The following LINGO3 variants were observed in gnomAD, a reference collection of about 807,000 sequenced individuals.
LINGO3 encodes leucine-rich repeat and immunoglobulin-like domain-containing nogo receptor-interacting protein 3.
For synonymous variants in LINGO3, 427 were observed against 444.2 expected, an observed-to-expected ratio of 0.96 and a Z score of 0.49; for missense variants, 750 against 867.7, an observed-to-expected ratio of 0.86 and a Z score of 1.70.
At chr19:2,295,454 G>T (rs1366650023), upstream of LINGO3, among the ~76,000 whole-genome samples, 1 of 152,218 alleles carries the variant, frequency 6.6e-6, no homozygotes, top group Admixed American at 6.5e-5. Context: ...AGCTCCTCTT[G>T]CCCGGCGCGG....
upstream of LINGO3, among the ~76,000 whole-genome samples, chr19:2,293,066 T>TTTCTTTCC (rs921807039): frequency 6.6e-6 from 1 of 151,558 alleles, no homozygotes; most frequent in African/African-American, 2.4e-5. Context: ...ACCCCGTTTC[T>TTTCTTTCC]TTCTTTCTTT....
At chr19:2,294,634 G>T (rs1009086974), upstream of LINGO3, among the ~76,000 whole-genome samples, 1 of 151,902 alleles carries the variant, frequency 6.6e-6, no homozygotes, top group Non-Finnish European at 1.5e-5. The surrounding 1 kb of genome is among the most constrained non-coding windows in gnomAD (Gnocchi z 4.3). Context: ...GTTAGGAGGG[G>T]CCTCTGGGTG....
the LINGO3 span, among the ~76,000 whole-genome samples, chr19:2,301,742 A>G: frequency 2.6e-5 from 4 of 152,000 alleles, no homozygotes; most frequent in Admixed American, 6.6e-5. Flanking sequence ...CCTGGTTAAC[A>G]TGGTGAAACC....
At chr19:2,305,333 C>A in the LINGO3 span, among the ~76,000 whole-genome samples, 2 of 152,030 alleles carry the variant, frequency 1.3e-5, no homozygotes, top group Non-Finnish European at 2.9e-5. Context: ...CTTCCCTGTA[C>A]CCCCAGCTGT....
Position 2,290,621 on chromosome 19 carries a change from G to T in LINGO3, c.1156C>A (p.Arg386Ser). 2 of 1,593,966 alleles carry T rather than the reference G, an allele frequency of 1.3e-6. No homozygotes were observed. Among genetic ancestry groups the T allele is most frequent in the Non-Finnish European group, 1.7e-6 (2 of 1,174,108 alleles). Residue 386 changes from arginine (R) to serine (S), a missense_variant, in exon 1 of 1, where the codon CGC becomes AGC. Arg to Ser is a moderately radical substitution (Grantham distance 110, BLOSUM62 -1). Transcript: ENST00000585527. The surrounding 1 kb of genome is among the most constrained non-coding windows in gnomAD (Gnocchi z 6.0). ...GGCAGGTTTCGCAGCGCGTCGCCGC[G>T]CACCTCGGCCGGGGTGGCGCAGGCC...
the LINGO3 span, among the ~76,000 whole-genome samples, chr19:2,301,838 GA>G: frequency 1.5e-4 from 22 of 147,946 alleles, no homozygotes; most frequent in African/African-American, 5.5e-4. Context: ...TGAGGCAGGA[GA>G]ATGGCGTGAA....
chr19:2,298,137 C>T, the LINGO3 span, among the ~76,000 whole-genome samples: 1 of 152,200 alleles, frequency 6.6e-6, no homozygotes, highest in African/African-American at 2.4e-5. Flanking sequence ...GATCTGCCTG[C>T]CTCAGCCTCC....
At chr19:2,308,097 A>ACGGCGCGGGCTG in the LINGO3 span, among the ~76,000 whole-genome samples, 42 of 146,500 alleles carry the variant, frequency 2.9e-4, no homozygotes, top group African/African-American at 1.0e-3. Context: ...CGCCGCGGAC[A>ACGGCGCGGGCTG]CGGCGCGGGC....
At chr19:2,297,336 G>A in the LINGO3 span, among the ~76,000 whole-genome samples, 4 of 111,750 alleles carry the variant, frequency 3.6e-5, no homozygotes, top group Non-Finnish European at 6.6e-5. Context: ...ACAGAGTCTC[G>A]CTCTGTCGCC....
chr19:2,295,611 C>T (rs1020190610), upstream of LINGO3, among the ~76,000 whole-genome samples: 2 of 152,136 alleles, frequency 1.3e-5, no homozygotes, highest in Non-Finnish European at 2.9e-5. Context: ...TGATGGGCGC[C>T]TGTAATCCCA....
At chr19:2,292,022 T>G in exon 1 of LINGO3, 1 of 490,642 alleles carries the variant, frequency 2.0e-6, no homozygotes, top group Non-Finnish European at 3.9e-6. Context: ...CTCCCATCTC[T>G]ACAAAAAAAT....
the LINGO3 span, among the ~76,000 whole-genome samples, chr19:2,305,620 A>T: frequency 6.6e-6 from 1 of 152,134 alleles, no homozygotes; most frequent in Non-Finnish European, 1.5e-5. Context: ...AGGGATGCTG[A>T]CATCTCCCTT....
the LINGO3 span, among the ~76,000 whole-genome samples, chr19:2,300,357 G>C: frequency 1.5e-3 from 221 of 152,016 alleles, 1 homozygote; most frequent in Middle Eastern, 0.01. Flanking sequence ...AGGGGCCTCT[G>C]TCCCCTCCCT....
chr19:2,298,982 C>T, the LINGO3 span, among the ~76,000 whole-genome samples: 5 of 152,158 alleles, frequency 3.3e-5, no homozygotes, highest in African/African-American at 1.2e-4. Context: ...GGCCTCAATT[C>T]GGATGCGCTG....
the LINGO3 span, among the ~76,000 whole-genome samples, chr19:2,302,486 C>T: frequency 3.3e-5 from 5 of 152,252 alleles, no homozygotes; most frequent in Non-Finnish European, 7.3e-5. Context: ...GTCACCTCCT[C>T]GGCTCTGCGC....
chr19:2,302,621 CGCTCTGGTG>C, the LINGO3 span, among the ~76,000 whole-genome samples: 1 of 152,314 alleles, frequency 6.6e-6, no homozygotes, highest in East Asian at 1.9e-4. Flanking sequence ...CAGGGCCCCT[CGCTCTGGTG>C]GCGGGCTCGG....
chr19:2,291,296 C>T (rs772516775), exon 1 of LINGO3: 4 of 1,612,572 alleles, frequency 2.5e-6, no homozygotes, highest in Non-Finnish European at 3.4e-6. Context: ...AATACCAGGT[C>T]GTTGTCGCCC....
At chr19:2,291,072 C>T in exon 1 of LINGO3, 8 of 1,610,078 alleles carry the variant, frequency 5.0e-6, no homozygotes, top group Non-Finnish European at 6.8e-6. Flanking sequence ...CCACCTCCTC[C>T]AGCAGCGGCC....
At chr19:2,297,350 G>A in the LINGO3 span, among the ~76,000 whole-genome samples, 2 of 135,754 alleles carry the variant, frequency 1.5e-5, no homozygotes, top group Non-Finnish European at 3.1e-5. Context: ...TGTCGCCCAG[G>A]CTGGAGTGCA....
Sources: gnomAD v4.1 joint callset for allele counts (sites outside exome capture counted in the v4.1 genomes callset) on GRCh38, gnomAD v4.1.1 for gene constraint, Gnocchi (gnomAD v3.1) non-coding constraint, MANE v1.5 for transcripts, NCBI Gene and HGNC (gene_info 2026-07-23, HGNC 2026-07-21) for gene names.